Variants in SYNE4 observed in about 807,000 individuals in gnomAD.
SYNE4 encodes the protein nesprin-4.
Under a neutral mutation model 46.9 loss-of-function variants are expected in SYNE4, and 41 were observed. The ratio of observed to expected loss-of-function variants is 0.87; its 90% CI spans 0.68 to 1.13. SYNE4 has a LOEUF of 1.13. SYNE4 is among the 50% of genes most tolerant of loss of function. The pLI is 0.00. For missense variants in SYNE4, 492 were observed against 514.8 expected (o/e 0.96, Z 0.43); for synonymous variants, 221 against 219.5 (o/e 1.01, Z -0.06).
Position 36,008,567 on chromosome 19 carries a change from C to T in SYNE4, c.115G>A (p.Glu39Lys), listed in dbSNP as rs758855710. The change falls in exon 1 of 8, where the codon GAG (glutamate) becomes AAG (lysine). Residue 39 changes from glutamate to lysine, a missense_variant. Physicochemically the swap from Glu to Lys is moderately conservative, Grantham distance 56. Coordinates refer to ENST00000324444, the MANE Select transcript of SYNE4 (RefSeq NM_001039876.3). ...VGCTVCPASG[E>K]ESTSPEQAQT... is the part of the protein sequence containing the mutation. ...CCCGGCCCCCACCTCGTGCTCTCCT[C>T]TCCGGACGCGGGGCAGACGGTGCAT... 8 of 1,613,776 alleles carry T rather than the reference C, an allele frequency of 5.0e-6. No individual in the cohort carries two copies. In the Admixed American group the frequency reaches 1.3e-4, roughly 27 times the overall value.
At position 36,006,572 on chromosome 19, in the gene SYNE4, T is replaced by C. The variant is rs753538868; in HGVS notation, c.718A>G (p.Ser240Gly). The part of the protein sequence containing the change: ...GGVWGPWAPS[S>G]LPTSTELEWD... ...TCCAACTCTGTGGAAGTGGGGAGGC[T>C]ACTGGGTGCCCAGGGCCCCCAGACC... The change falls in exon 5 of 8, where the codon AGC becomes GGC. Residue 240 changes from serine (S) to glycine (G), a missense_variant. Coordinates refer to ENST00000324444, the MANE Select transcript of SYNE4 (RefSeq NM_001039876.3). The C allele has an allele frequency of 1.2e-6, 2 of 1,606,832 alleles. No homozygotes were observed. The highest frequency in any genetic ancestry group is 1.7e-5 in the Admixed American group (1 of 58,890).
At chr19:36,003,541 T>C (rs2145338934) in intron 7 of SYNE4, 21 bp from the exon 8 acceptor site, 1 of 1,598,148 alleles carries the variant, frequency 6.3e-7, no homozygotes, top group Non-Finnish European at 8.5e-7. Context: ...AAATGCAGTG[T>C]TAAACATACA....
At chr19:36,003,720 ATTTG>A (rs1178826258) in intron 6 of SYNE4, 49 bp from the exon 7 acceptor site, 3 of 1,583,194 alleles carry the variant, frequency 1.9e-6, no homozygotes, top group African/African-American at 1.3e-5. Flanking sequence ...ATGATGCTTT[ATTTG>A]TTTATTTATT....
intron 7 of SYNE4, 27 bp downstream of exon 7, chr19:36,003,586 C>T (rs1976747654): frequency 1.9e-6 from 3 of 1,611,060 alleles, no homozygotes; most frequent in Admixed American, 3.4e-5. Context: ...TCCCCCACAC[C>T]CTAGTCCCAT....
In SYNE4 at chr19:36,006,535, G is replaced by A. The variant is rs767454410; in HGVS notation, c.755C>T (p.Ala252Val). ...PTSTELEWDP[A>V]GDIGGLGPLG... The stretch of plus-strand genomic sequence containing the variant: ...GGGCCCAAGGCCCCCAATGTCCCCC[G>A]CCGGATCCCACTCCAACTCTGTGGA... The change falls in exon 5 of 8, where the codon GCG (alanine) becomes GTG (valine). Residue 252 changes from alanine (A) to valine (V), a missense_variant. By Grantham distance (64) the Ala-to-Val change is moderately conservative. Transcript: ENST00000324444. 6.7e-5 allele frequency: 107 copies of A among 1,606,766 alleles called. No individual in the cohort carries two copies. The highest frequency in any genetic ancestry group is 8.6e-5 in the Non-Finnish European group (101 of 1,176,602).
chr19:36,008,070 T>G, intron 2 of SYNE4, 147 bp downstream of exon 2: 1 of 1,109,406 alleles, frequency 9.0e-7, no homozygotes, highest in Non-Finnish European at 1.2e-6. Context: ...TGGTCAGATA[T>G]TGAAACACTT....
chr19:36,008,735 C>T lies in SYNE4; in HGVS notation c.-54G>A. ...GTGAGGGCAGCCAGTAAGACCTCTT[C>T]CCTAGACAAGGGTGTCCCAGAGCTC... On this transcript the variant is annotated 5_prime_UTR_variant, in exon 1 of 8. Coordinates refer to ENST00000324444, the MANE Select transcript of SYNE4 (RefSeq NM_001039876.3). 1 of 1,546,336 alleles carries T rather than the reference C, an allele frequency of 6.5e-7. No individual in the cohort carries two copies.
Position 36,003,522 on chromosome 19 carries a change from T to G in SYNE4, c.1032-2A>C. 6.3e-7 allele frequency: 1 copy of G among 1,596,966 alleles called. No individual in the cohort carries two copies. The highest frequency in any genetic ancestry group is 8.5e-7 in the Non-Finnish European group (1 of 1,171,364). On this transcript the variant is annotated splice_acceptor_variant, in intron 7 of 7. Coordinates refer to ENST00000324444, the MANE Select transcript of SYNE4 (RefSeq NM_001039876.3). LOFTEE classifies it high-confidence loss of function. ...TGCCTGGATGCAGGATCGGGGGCCC[T>G]GTGAAGGGAAATGCAGTGTTAAACA...
chr19:36,004,530 G>T (rs1038669083), intron 6 of SYNE4, among the ~76,000 whole-genome samples: 4 of 152,168 alleles, frequency 2.6e-5, no homozygotes, highest in Admixed American at 2.0e-4. Flanking sequence ...GGAGGTGGGC[G>T]GCTGTCATGC....
intron 5 of SYNE4, chr19:36,006,115 T>G: frequency 5.7e-6 from 2 of 348,542 alleles, no homozygotes; most frequent in Non-Finnish European, 5.1e-6. Context: ...GGAGTGCTCA[T>G]GTTTGGAGGT....
intron 6 of SYNE4, among the ~76,000 whole-genome samples, chr19:36,004,697 T>C (rs1194689379): frequency 1.3e-5 from 2 of 152,004 alleles, no homozygotes; most frequent in Non-Finnish European, 2.9e-5. Flanking sequence ...CCCTGGGACT[T>C]TGGCAGCTGT....
Position 36,006,956 on chromosome 19 carries a change from T to G in SYNE4, c.424-12A>C. ...TCCACCTGGAGGGCCTGGGGACATATGGACATCACCCCACGCACACACCAG... is the reference window on the plus strand; with the variant it reads ...TCCACCTGGAGGGCCTGGGGACATAGGGACATCACCCCACGCACACACCAG... On this transcript the variant is annotated splice_polypyrimidine_tract_variant and intron_variant, in intron 3 of 7. Coordinates refer to ENST00000324444, the MANE Select transcript of SYNE4 (RefSeq NM_001039876.3). The G allele has an allele frequency of 6.5e-7, 1 of 1,542,382 alleles. No individual in the cohort carries two copies. The highest frequency in any genetic ancestry group is 2.0e-5 in the Admixed American group (1 of 50,286).
rs200994810 is a variant in SYNE4 at position 36,007,231 on chromosome 19, T to G, written c.317A>C (p.Gln106Pro). The G allele has an allele frequency of 9.8e-4, 1,555 of 1,594,740 alleles. No homozygotes were observed. Among genetic ancestry groups the G allele is most frequent in the Middle Eastern group, 2.3e-3 (14 of 6,006 alleles). Residue 106 changes from glutamine (Q) to proline (P), a missense_variant, in exon 3 of 8, where the codon CAG (glutamine) becomes CCG (proline). Physicochemically the swap from Gln to Pro is moderately conservative, Grantham distance 76 (BLOSUM62 -1). Transcript: ENST00000324444. ...CAGCAGGCACAGGTGCAGGCTGTTC[T>G]GCTCAGCCTCTAGTACCTCCAGGCC... ...ISGLEVLEAE[Q>P]NSLHLCLLGL... is the part of the protein sequence containing the mutation.
rs1239280536 is a variant in SYNE4, at chr19:36,006,731, G to T, written c.618+19C>A. 1.0e-5 allele frequency: 16 copies of T among 1,595,042 alleles called. No individual in the cohort carries two copies. Among genetic ancestry groups the T allele is most frequent in the Non-Finnish European group, 1.3e-5 (15 of 1,169,210 alleles). ...GGTTGGGGCCTGGGTTGGGTGGGGG[G>T]TATCAAGATGGGCCCTACCAGGCTG... On this transcript the variant is annotated intron_variant, in intron 4 of 7. Coordinates refer to ENST00000324444, the MANE Select transcript of SYNE4 (RefSeq NM_001039876.3).
chr19:36,003,389 G>A lies in SYNE4; in HGVS notation c.1163C>T (p.Pro388Leu). ...GGPCCSHARI[P>L]RTPYLVLSYV... ...GCTGAGCACCAGGTAGGGTGTCCTG[G>A]GTATTCGGGCATGAGAGCAGCAGGG... Residue 388 changes from proline (P) to leucine (L), a missense_variant, in exon 8 of 8, where the codon CCC (proline) becomes CTC (leucine). Coordinates refer to ENST00000324444, the MANE Select transcript of SYNE4 (RefSeq NM_001039876.3). The A allele has an allele frequency of 1.2e-6, 2 of 1,614,098 alleles. No homozygotes were observed. The highest frequency in any genetic ancestry group is 1.7e-6 in the Non-Finnish European group (2 of 1,179,996).
intron 6 of SYNE4, among the ~76,000 whole-genome samples, 190 bp downstream of exon 6, chr19:36,005,143 C>T (rs1443238145): frequency 6.6e-6 from 1 of 152,072 alleles, no homozygotes; most frequent in Non-Finnish European, 1.5e-5. Context: ...GCTGGGATTA[C>T]AGGCGTGAGC....
chr19:36,008,395 G>A, intron 1 of SYNE4, 28 bp from the exon 2 acceptor site: 1 of 1,559,260 alleles, frequency 6.4e-7, no homozygotes. Flanking sequence ...GTGACTGGGT[G>A]AGTCTCGACA....
intron 1 of SYNE4, 74 bp downstream of exon 1, chr19:36,008,480 C>A: frequency 1.2e-6 from 2 of 1,607,890 alleles, no homozygotes; most frequent in Non-Finnish European, 8.5e-7. Flanking sequence ...AGCCATGGCA[C>A]CTCCTACCCT....
chr19:36,008,241 G>A lies in SYNE4; in HGVS notation c.255C>T (p.Asp85=), dbSNP rs1183216670. ...PRWSTPSSYE[D]PAGGKHCEHP... ...CCTCACAGTGTTTGCCCCCAGCTGG[G>A]TCCTCGTAGGAAGAGGGTGTTGACC... Residue 85 remains aspartate (D), a synonymous_variant, in exon 2 of 8, where the codon GAC becomes GAT. Coordinates refer to ENST00000324444, the MANE Select transcript of SYNE4 (RefSeq NM_001039876.3). 1.2e-6 allele frequency: 2 copies of A among 1,611,144 alleles called. No individual in the cohort carries two copies. Among genetic ancestry groups the A allele is most frequent in the Non-Finnish European group, 1.7e-6 (2 of 1,178,536 alleles).
Sources: allele counts gnomAD v4.1 joint callset (sites outside exome capture counted in the v4.1 genomes callset), GRCh38; gene constraint gnomAD v4.1.1; transcripts MANE v1.5; gene names NCBI Gene and HGNC (gene_info 2026-07-23, HGNC 2026-07-21).